NRP1: variants seen among roughly 807,000 people sequenced by gnomAD.
The protein encoded by NRP1 is neuropilin 1.
Under a neutral mutation model 106.7 loss-of-function variants are expected in NRP1, and 35 were observed. The ratio of observed to expected loss-of-function variants is 0.33; its 90% CI spans 0.25 to 0.43. NRP1 has a LOEUF of 0.43. Among genes scored for constraint, NRP1 ranks in the 20% least tolerant of loss-of-function variants. NRP1 has a pLI of 1.00. For missense variants in NRP1, 1,024 were observed against 1,170.4 expected, an observed-to-expected ratio of 0.87 and a Z score of 1.83; for synonymous variants, 437 against 417.9, an observed-to-expected ratio of 1.05 and a Z score of -0.56.
intron 3 of NRP1, among the ~76,000 whole-genome samples, chr10:33,268,227 G>A (rs1034194196): frequency 6.6e-6 from 1 of 152,066 alleles, no homozygotes. Context: ...TTTTGAGCAG[G>A]ACCTCAATCT....
At chr10:33,313,728 T>C (rs568974359) in intron 2 of NRP1, among the ~76,000 whole-genome samples, 1 of 152,108 alleles carries the variant, frequency 6.6e-6, no homozygotes, top group Admixed American at 6.5e-5. Flanking sequence ...TCACAATGAG[T>C]ACCTGCGGGC....
intron 2 of NRP1, among the ~76,000 whole-genome samples, chr10:33,275,596 A>G (rs987466928): frequency 4.8e-5 from 7 of 144,338 alleles, no homozygotes; most frequent in Non-Finnish European, 7.7e-5. Flanking sequence ...AACACCAACC[A>G]AAAAAAAAAA....
intron 3 of NRP1, among the ~76,000 whole-genome samples, chr10:33,264,979 G>T (rs1159114755): frequency 6.6e-6 from 1 of 151,900 alleles, no homozygotes; most frequent in Admixed American, 6.6e-5. Flanking sequence ...GCGTGGTCGT[G>T]GGCACCTGTA....
chr10:33,258,872 A>G (rs567975417), intron 4 of NRP1, among the ~76,000 whole-genome samples: 2 of 152,294 alleles, frequency 1.3e-5, no homozygotes, highest in South Asian at 4.1e-4. Context: ...CTGATCTGCA[A>G]TATTAAAAGA....
At chr10:33,292,752 C>A (rs1313981741) in intron 2 of NRP1, among the ~76,000 whole-genome samples, 1 of 152,116 alleles carries the variant, frequency 6.6e-6, no homozygotes, top group Non-Finnish European at 1.5e-5. Context: ...CTTTGGGAGG[C>A]CGAGGTGGGT....
chr10:33,325,785 C>T (rs971724917), intron 2 of NRP1, among the ~76,000 whole-genome samples: 1 of 152,154 alleles, frequency 6.6e-6, no homozygotes, highest in Non-Finnish European at 1.5e-5. Flanking sequence ...ATGCGATCTT[C>T]CTTTGAACGC....
rs766540692 is a variant in NRP1, at chr10:33,263,747, A to T, written c.557T>A (p.Ile186Asn). ...CAGGTCAAAGCTTTCAAATTCCAGG[A>T]TAATCTCTGACATCTTTGGCACAAA... ...IVFVPKMSEI[I>N]LEFESFDLEP... The change falls in exon 4 of 17, where the codon ATC becomes AAC. Residue 186 changes from isoleucine (I) to asparagine (N), a missense_variant. Physicochemically the swap from Ile to Asn is moderately radical, Grantham distance 149. Coordinates refer to ENST00000374867, the MANE Select transcript of NRP1 (RefSeq NM_003873.7). The T allele has an allele frequency of 1.2e-6, 2 of 1,614,040 alleles. No homozygotes were observed. Among genetic ancestry groups the T allele is most frequent in the Non-Finnish European group, 1.7e-6 (2 of 1,179,922 alleles).
intron 6 of NRP1, among the ~76,000 whole-genome samples, chr10:33,251,225 G>T (rs183063866): frequency 1.3e-5 from 2 of 152,066 alleles, no homozygotes; most frequent in East Asian, 1.9e-4. Flanking sequence ...TTCACCTGCC[G>T]CCATGTAAGA....
At chr10:33,318,932 A>C (rs1426057695) in intron 2 of NRP1, among the ~76,000 whole-genome samples, 1 of 151,288 alleles carries the variant, frequency 6.6e-6, no homozygotes, top group Admixed American at 6.6e-5. Context: ...TGATCATGGA[A>C]GAGGGTGAGA....
At chr10:33,329,938 T>C (rs74129659) in intron 2 of NRP1, among the ~76,000 whole-genome samples, 5,795 of 152,278 alleles carry the variant, frequency 0.038, 359 homozygotes, top group African/African-American at 0.13. Context: ...AGTGAGGAAA[T>C]ATAATTTCGA....
intron 6 of NRP1, among the ~76,000 whole-genome samples, chr10:33,241,078 T>G (rs1564413996): frequency 6.6e-6 from 1 of 152,184 alleles, no homozygotes; most frequent in African/African-American, 2.4e-5. Flanking sequence ...GAAAATCTTG[T>G]GTAATTAGAA....
At position 33,263,793 on chromosome 10, in the gene NRP1, G is replaced by A. The variant is rs199984109; in HGVS notation, c.511C>T (p.Leu171Phe). 116 of 1,613,582 alleles carry A rather than the reference G, an allele frequency of 7.2e-5. No individual in the cohort carries two copies. The highest frequency in any genetic ancestry group is 9.1e-5 in the Non-Finnish European group (107 of 1,179,646). ...ACAAAGACAATATAAGTGCATTCAA[G>A]GCTGTTGGGATATTTTTCAGGGAAT... is the stretch of plus-strand genomic sequence containing the variant. ...PGFPEKYPNS[L>F]ECTYIVFVPK... Residue 171 changes from leucine to phenylalanine, a missense_variant, in exon 4 of 17, where the codon CTT becomes TTT. Leu to Phe is a conservative substitution (Grantham distance 22, BLOSUM62 0). Coordinates refer to ENST00000374867, the MANE Select transcript of NRP1 (RefSeq NM_003873.7).
At chr10:33,307,684 A>T (rs184422227) in intron 2 of NRP1, among the ~76,000 whole-genome samples, 1 of 152,222 alleles carries the variant, frequency 6.6e-6, no homozygotes, top group Non-Finnish European at 1.5e-5. Flanking sequence ...ATCAAGATTT[A>T]TGCATACAGA....
At chr10:33,188,604 C>G (rs76694447) in intron 13 of NRP1, among the ~76,000 whole-genome samples, 3,481 of 151,892 alleles carry the variant, frequency 0.023, 57 homozygotes, top group Middle Eastern at 0.041. Context: ...TGGCCGGGCG[C>G]GGTGGTCCAC....
At chr10:33,189,081 C>G (rs1836231737) in intron 13 of NRP1, among the ~76,000 whole-genome samples, 1 of 151,666 alleles carries the variant, frequency 6.6e-6, no homozygotes, top group South Asian at 2.1e-4. Flanking sequence ...CTGTTTTCCT[C>G]CTGGTCACTG....
At chr10:33,202,585 T>G (rs1342963541) in intron 11 of NRP1, 2 of 872,626 alleles carry the variant, frequency 2.3e-6, no homozygotes, top group East Asian at 1.4e-4. Context: ...GGTCTGAAAA[T>G]AATGAAAATA....
At chr10:33,292,142 C>G (rs1186069274) in intron 2 of NRP1, among the ~76,000 whole-genome samples, 1 of 152,174 alleles carries the variant, frequency 6.6e-6, no homozygotes, top group East Asian at 1.9e-4. Context: ...GTGATCCACC[C>G]ACCTCAGCCT....
At chr10:33,237,485 G>GTGCACA (rs1554788810) in intron 6 of NRP1, among the ~76,000 whole-genome samples, 70 of 130,154 alleles carry the variant, frequency 5.4e-4, no homozygotes, top group African/African-American at 2.2e-3. Context: ...ACACATGCGC[G>GTGCACA]CGCACACACA....
chr10:33,216,422 C>T lies in NRP1; in HGVS notation c.1283-2705G>A, dbSNP rs200530635. 2.6e-5 allele frequency among the ~76,000 whole-genome samples: 4 copies of T among 151,590 alleles called. No homozygotes were observed. The East Asian group carries it at 7.8e-4, about 30-fold the overall frequency. ...GTGCTGGGATTACAGGTGTGAGCCA[C>T]GGCGCCTGGCCCCTCTACACCCCGG... On this transcript the variant is annotated intron_variant, in intron 8 of 16. Transcript: ENST00000374867.
Sources: gnomAD v4.1 joint callset for allele counts (sites outside exome capture counted in the v4.1 genomes callset) on GRCh38, gnomAD v4.1.1 for gene constraint, MANE v1.5 for transcripts, NCBI Gene and HGNC (gene_info 2026-07-23, HGNC 2026-07-21) for gene names.